The following LIPA variants were observed in gnomAD, a reference collection of about 807,000 sequenced individuals.
LIPA encodes the protein lipase A, lysosomal acid type.
A neutral mutation model predicts 40.6 loss-of-function variants in LIPA; 26 were observed. That is an observed-to-expected ratio of 0.64 (90% confidence interval 0.47 to 0.89). The LOEUF (loss-of-function observed/expected upper bound fraction) is 0.89, where lower values mean the gene tolerates loss of function less well. LIPA is among the 40% of genes least tolerant of loss of function. The pLI is 0.00. For missense variants in LIPA, 455 were observed against 479.6 expected, an observed-to-expected ratio of 0.95 and a Z score of 0.48; for synonymous variants, 188 against 168.4, an observed-to-expected ratio of 1.12 and a Z score of -0.90.
chr10:89,403,100 A>G lies in LIPA; in HGVS notation c.61+9691T>C, dbSNP rs540340891. 1.5e-4 allele frequency: 244 copies of G among 1,614,234 alleles called. 2 individuals carry two copies. The South Asian group carries it at 2.4e-3, about 16-fold the overall frequency. ...TGGATAAAGCTCTTGAGTTATTAAA[A>G]AAGGCCTTGCAGGAAACACCCACTT... On this transcript the variant is annotated intron_variant, in intron 2 of 8. Coordinates refer to the LIPA transcript ENST00000371837.
At chr10:89,231,549 C>T (rs1452964626) in intron 3 of LIPA, among the ~76,000 whole-genome samples, 4 of 152,034 alleles carry the variant, frequency 2.6e-5, no homozygotes, top group Admixed American at 6.5e-5. Flanking sequence ...TGACTGCTCA[C>T]TGCAGCCTCA....
intron 2 of LIPA, among the ~76,000 whole-genome samples, chr10:89,390,430 C>T (rs1264812910): frequency 1.3e-5 from 2 of 152,184 alleles, no homozygotes; most frequent in African/African-American, 2.4e-5. Flanking sequence ...CCAACCTATT[C>T]CAAATGACTT....
At position 89,306,293 on chromosome 10, in the gene LIPA, G is replaced by A. The variant is rs769134303; in HGVS notation, c.-2+36318C>T. ...CTATCACATGGGCCGACTCTCAGAC[G>A]TTCAGATTTATGTAGACAAGGTGAA... On this transcript the variant is annotated intron_variant, in intron 1 of 5. Transcript: ENST00000282673. 28 of 1,613,982 alleles carry A rather than the reference G, an allele frequency of 1.7e-5. No homozygotes were observed. The highest frequency in any genetic ancestry group is 1.3e-4 in the Admixed American group (8 of 59,978).
chr10:89,251,831 C>G (rs1464937393), upstream of LIPA: 6 of 152,408 alleles, frequency 3.9e-5, no homozygotes, highest in African/African-American at 1.4e-4. Context: ...CCTGGTCTGC[C>G]TTGTCGGGAG....
chr10:89,287,366 T>C (rs1405488262), intron 1 of LIPA, among the ~76,000 whole-genome samples: 1 of 152,178 alleles, frequency 6.6e-6, no homozygotes, highest in Non-Finnish European at 1.5e-5. Context: ...CTAAACCTCT[T>C]AAAACTCCCC....
chr10:89,409,321 C>T (rs1354633822), intron 2 of LIPA, among the ~76,000 whole-genome samples: 2 of 152,084 alleles, frequency 1.3e-5, no homozygotes, highest in Non-Finnish European at 1.5e-5. Context: ...TAGTCGTGGC[C>T]CTCAGACAAA....
At chr10:89,414,652 C>T, upstream of LIPA, 1 of 789,920 alleles carries the variant, frequency 1.3e-6, no homozygotes, top group Non-Finnish European at 1.8e-6. Flanking sequence ...AAAGACACGC[C>T]GCGCGGCCGA....
chr10:89,236,744 C>A (rs1842909395), intron 3 of LIPA, among the ~76,000 whole-genome samples: 1 of 149,796 alleles, frequency 6.7e-6, no homozygotes, highest in African/African-American at 2.5e-5. Flanking sequence ...TTCCGAAATA[C>A]CTTTTATCTC....
At chr10:89,403,792 T>G in intron 2 of LIPA, 1 of 764,016 alleles carries the variant, frequency 1.3e-6, no homozygotes, top group Non-Finnish European at 2.1e-6. Context: ...CTTACTGTTT[T>G]CAGAAACATT....
intron 1 of LIPA, among the ~76,000 whole-genome samples, chr10:89,248,632 G>A (rs1015153374): frequency 2.7e-5 from 4 of 149,224 alleles, no homozygotes; most frequent in East Asian, 3.9e-4. Context: ...CCGCCACCAC[G>A]CCCGGCAAAT....
At chr10:89,308,595 C>G (rs1843498382) in intron 1 of LIPA, 1 of 152,156 alleles carries the variant, frequency 6.6e-6, no homozygotes, top group East Asian at 1.9e-4. Flanking sequence ...TAGGTAGATG[C>G]TGAATAGCCT....
chr10:89,258,267 T>C (rs539648247), intron 1 of LIPA, among the ~76,000 whole-genome samples: 1 of 152,200 alleles, frequency 6.6e-6, no homozygotes, highest in South Asian at 2.1e-4. Flanking sequence ...CCTTAAGTCA[T>C]AGAAAAATTA....
chr10:89,219,378 T>C (rs1313202855), intron 8 of LIPA, among the ~76,000 whole-genome samples: 2 of 152,292 alleles, frequency 1.3e-5, no homozygotes, highest in Non-Finnish European at 2.9e-5. Flanking sequence ...ACCTGGGCTC[T>C]GGGCAGGGCC....
intron 1 of LIPA, among the ~76,000 whole-genome samples, chr10:89,301,759 T>C (rs569152071): frequency 2.6e-5 from 4 of 152,282 alleles, no homozygotes; most frequent in South Asian, 4.1e-4. Context: ...TTTTCGAATA[T>C]GAAATAAGAG....
chr10:89,383,524 G>T (rs771705434), intron 2 of LIPA: 5 of 1,614,084 alleles, frequency 3.1e-6, no homozygotes, highest in African/African-American at 1.3e-5. Context: ...GAATGAGGAA[G>T]CCCTGGTCAG....
intron 1 of LIPA, among the ~76,000 whole-genome samples, chr10:89,249,653 T>G (rs1843087164): frequency 6.6e-6 from 1 of 152,158 alleles, no homozygotes; most frequent in Admixed American, 6.5e-5. Flanking sequence ...AAGTACTGTC[T>G]GATCCCATTC....
At chr10:89,368,868 C>G (rs966024546) in intron 2 of LIPA, among the ~76,000 whole-genome samples, 1 of 151,900 alleles carries the variant, frequency 6.6e-6, no homozygotes, top group African/African-American at 2.4e-5. Context: ...TTTAACTACA[C>G]ACAAACATAT....
chr10:89,235,678 C>T (rs1842896616), intron 3 of LIPA, among the ~76,000 whole-genome samples: 2 of 152,220 alleles, frequency 1.3e-5, no homozygotes, highest in Admixed American at 6.5e-5. Flanking sequence ...CACTCCAAAA[C>T]ACATGTGAGA....
At chr10:89,394,597 T>C (rs1297333767) in intron 2 of LIPA, among the ~76,000 whole-genome samples, 2 of 19,080 alleles carry the variant, frequency 1.0e-4, no homozygotes, top group African/African-American at 6.2e-4. Context: ...TATATATATA[T>C]ATATATATAT....
Sources: gnomAD v4.1 joint callset for allele counts (sites outside exome capture counted in the v4.1 genomes callset) on GRCh38, gnomAD v4.1.1 for gene constraint, MANE v1.5 for transcripts, NCBI Gene and HGNC (gene_info 2026-07-23, HGNC 2026-07-21) for gene names.